The following GLRA2 variants were observed in gnomAD, a reference collection of about 807,000 sequenced individuals.
GLRA2 encodes the protein glycine receptor alpha 2, also known as glycine receptor subunit alpha-2.
Under a neutral mutation model 31.6 loss-of-function variants are expected in GLRA2, and 11 were observed. The observed-to-expected ratio is 0.35, with a 90% confidence interval of 0.22 to 0.58. The LOEUF is 0.58. GLRA2 is among the 20% of genes least tolerant of loss of function. GLRA2 has a pLI of 0.84. For synonymous variants in GLRA2, 132 were observed against 134.0 expected (o/e 0.99, Z 0.10); for missense variants, 212 against 351.8 (o/e 0.60, Z 3.18).
At chrX:14,582,163 A>C in intron 4 of GLRA2, among the ~76,000 whole-genome samples, 1 of 99,368 alleles carries the variant, frequency 1.0e-5, no homozygotes, top group African/African-American at 3.8e-5. Flanking sequence ...GGTGCACTGC[A>C]CCCACTAACT....
intron 7 of GLRA2, among the ~76,000 whole-genome samples, chrX:14,648,863 T>C (rs1261958663): frequency 8.9e-6 from 1 of 112,256 alleles, no homozygotes; most frequent in African/African-American, 3.2e-5. Context: ...ACTGAAATCC[T>C]CATGCACTTC....
chrX:14,521,546 C>A, the GLRA2 span, among the ~76,000 whole-genome samples: 12 of 111,563 alleles, frequency 1.1e-4, 1 homozygote, highest in East Asian at 3.4e-3. Flanking sequence ...TGGACATGGA[C>A]TGAGCCATCC....
chrX:14,678,956 A>T (rs989542593), intron 7 of GLRA2, among the ~76,000 whole-genome samples: 2 of 111,512 alleles, frequency 1.8e-5, no homozygotes, highest in African/African-American at 6.5e-5. Context: ...TAAGGGCCTC[A>T]TGGAAGATTT....
chrX:14,719,061 C>T (rs901792035), intron 8 of GLRA2, among the ~76,000 whole-genome samples: 8 of 111,896 alleles, frequency 7.1e-5, no homozygotes, highest in Middle Eastern at 9.3e-3. Context: ...CAATTCACAT[C>T]CCTCCCACGT....
At chrX:14,553,186 T>C (rs1391396494) in intron 2 of GLRA2, among the ~76,000 whole-genome samples, 2 of 111,980 alleles carry the variant, frequency 1.8e-5, no homozygotes, top group African/African-American at 6.5e-5. Flanking sequence ...CTCCATCACC[T>C]CAAGACTGTC....
chrX:14,691,312 TGTGTGTGTGTGTGC>T (rs1474293378), intron 8 of GLRA2, among the ~76,000 whole-genome samples: 35 of 79,735 alleles, frequency 4.4e-4, no homozygotes, highest in African/African-American at 1.6e-3. Flanking sequence ...TGTGTGTGTG[TGTGTGTGTGTGTGC>T]GCGCGTGCGT....
chrX:14,615,112 T>C (rs2090441348), intron 7 of GLRA2, among the ~76,000 whole-genome samples: 1 of 111,680 alleles, frequency 9.0e-6, no homozygotes, highest in African/African-American at 3.3e-5. Context: ...CACATATAAA[T>C]ATACACTCTT....
intron 2 of GLRA2, among the ~76,000 whole-genome samples, chrX:14,534,159 G>A (rs373305078): frequency 9.2e-6 from 1 of 109,053 alleles, no homozygotes; most frequent in African/African-American, 3.3e-5. Context: ...ATTTATCATG[G>A]TTCCAAAGGA....
intron 8 of GLRA2, among the ~76,000 whole-genome samples, chrX:14,719,000 G>T (rs2091828990): frequency 9.0e-6 from 1 of 111,638 alleles, no homozygotes; most frequent in African/African-American, 3.3e-5. Flanking sequence ...ACATATTGTT[G>T]TGGCCATCTT....
At chrX:14,609,917 A>G (rs915865240) in intron 7 of GLRA2, among the ~76,000 whole-genome samples, 2 of 111,192 alleles carry the variant, frequency 1.8e-5, no homozygotes, top group Admixed American at 1.9e-4. Context: ...ATAATAATCC[A>G]TAAGTGGCTG....
intron 2 of GLRA2, among the ~76,000 whole-genome samples, chrX:14,553,986 C>G (rs779390224): frequency 1.6e-4 from 18 of 112,335 alleles, no homozygotes; most frequent in Non-Finnish European, 3.0e-4. Context: ...TCACCTAAAT[C>G]CTTGACTCGA....
intron 7 of GLRA2, among the ~76,000 whole-genome samples, chrX:14,663,230 T>A (rs982819928): frequency 2.3e-4 from 26 of 111,624 alleles, no homozygotes; most frequent in African/African-American, 8.4e-4. Context: ...CCATTAAACA[T>A]AGTTTTGGCT....
intron 3 of GLRA2, 95 bp downstream of exon 3, chrX:14,574,495 C>T: frequency 8.3e-7 from 1 of 1,200,161 alleles, no homozygotes; most frequent in Non-Finnish European, 1.1e-6. Flanking sequence ...CTTGCAGGGC[C>T]TCCTGTAAAT....
the GLRA2 span, among the ~76,000 whole-genome samples, chrX:14,501,473 T>A: frequency 9.0e-6 from 1 of 111,557 alleles, no homozygotes. Flanking sequence ...AACCCCTCCC[T>A]GCTTTGCTTG....
At chrX:14,630,041 T>G (rs757379055) in intron 7 of GLRA2, among the ~76,000 whole-genome samples, 1 of 112,232 alleles carries the variant, frequency 8.9e-6, no homozygotes, top group South Asian at 3.6e-4. Flanking sequence ...TCCAATGTAC[T>G]TCATTTCTTG....
At chrX:14,632,083 C>T (rs2090656432) in intron 7 of GLRA2, among the ~76,000 whole-genome samples, 1 of 102,843 alleles carries the variant, frequency 9.7e-6, no homozygotes, top group African/African-American at 3.6e-5. Context: ...ATTCCTCCTC[C>T]TTGCATCATG....
At chrX:14,547,774 G>A (rs1219033739) in intron 2 of GLRA2, among the ~76,000 whole-genome samples, 2 of 111,174 alleles carry the variant, frequency 1.8e-5, no homozygotes, top group African/African-American at 6.5e-5. Context: ...CCTCTAGAAA[G>A]CCTCTCTTAA....
intron 2 of GLRA2, among the ~76,000 whole-genome samples, chrX:14,544,792 A>T (rs1299198868): frequency 9.0e-6 from 1 of 111,562 alleles, no homozygotes; most frequent in Non-Finnish European, 1.9e-5. Context: ...TTATATATAG[A>T]TATTCTTAAA....
chrX:14,681,548 A>G (rs1388512573), intron 7 of GLRA2, among the ~76,000 whole-genome samples: 1 of 110,873 alleles, frequency 9.0e-6, no homozygotes, highest in Non-Finnish European at 1.9e-5. Context: ...ACTAAAAACG[A>G]AAACAAAAAA....
Sources: gnomAD v4.1 joint callset for allele counts (sites outside exome capture counted in the v4.1 genomes callset) on GRCh38, gnomAD v4.1.1 for gene constraint, MANE v1.5 for transcripts, NCBI Gene and HGNC (gene_info 2026-07-23, HGNC 2026-07-21) for gene names.